Variants in AXIN1 observed in about 807,000 individuals in gnomAD.
The protein encoded by AXIN1 is axin 1.
Under a neutral mutation model 76.4 loss-of-function variants are expected in AXIN1, and 30 were observed. The observed-to-expected ratio is 0.39, with a 90% CI of 0.29 to 0.53. The LOEUF (loss-of-function observed/expected upper bound fraction) is 0.53, where lower values mean the gene tolerates loss of function less well. Ranked by LOEUF, AXIN1 falls within the 20% of genes least tolerant of loss-of-function variation. The pLI, the probability that AXIN1 is intolerant of heterozygous loss-of-function variation, is 0.66. For missense variants in AXIN1, 1,140 were observed against 1,198.8 expected, an observed-to-expected ratio of 0.95 and a Z score of 0.72; for synonymous variants, 545 against 501.4, an observed-to-expected ratio of 1.09 and a Z score of -1.16.
chr16:328,108 A>G (rs2053618936), intron 2 of AXIN1, among the ~76,000 whole-genome samples: 1 of 152,166 alleles, frequency 6.6e-6, no homozygotes, highest in African/African-American at 2.4e-5. Context: ...AAATTAGCCA[A>G]GGGCTGGGCG....
At chr16:302,540 G>A (rs1209565301) in intron 5 of AXIN1, among the ~76,000 whole-genome samples, 1 of 152,198 alleles carries the variant, frequency 6.6e-6, no homozygotes, top group African/African-American at 2.4e-5. Context: ...GCTATGTAAG[G>A]TCTGCCTGCC....
At chr16:340,315 C>G (rs1194984715) in intron 2 of AXIN1, among the ~76,000 whole-genome samples, 2 of 152,234 alleles carry the variant, frequency 1.3e-5, no homozygotes, top group African/African-American at 4.8e-5. Context: ...GCCCTATCCA[C>G]AAGTGCATCA....
intron 8 of AXIN1, chr16:291,861 C>T (rs1337297007): frequency 1.1e-5 from 2 of 174,202 alleles, no homozygotes; most frequent in Non-Finnish European, 2.5e-5. Flanking sequence ...GCCCAGCACC[C>T]AACCTGCCTC....
intron 2 of AXIN1, among the ~76,000 whole-genome samples, chr16:331,760 A>C (rs1360707979): frequency 6.6e-6 from 1 of 152,210 alleles, no homozygotes; most frequent in Admixed American, 6.5e-5. Context: ...GAAGCTATAA[A>C]TTCCAAAGCT....
rs550691805 is a variant in AXIN1, at chr16:302,347, C to T, written c.1254+1957G>A. Among the ~76,000 whole-genome samples, 29 of 152,352 alleles carry T rather than the reference C, an allele frequency of 1.9e-4. No homozygotes were observed. The South Asian group carries it at 5.6e-3, about 29-fold the overall frequency. On this transcript the variant is annotated intron_variant, in intron 5 of 10. Transcript: ENST00000262320. ...GTGCCCTACCCAGATGAGGGTCACC[C>T]TCAGACCAACGGCCAGGGGAGACGA...
intron 2 of AXIN1, 148 bp from the exon 3 acceptor site, chr16:314,831 A>C (rs2141595522): frequency 8.5e-7 from 1 of 1,180,202 alleles, no homozygotes; most frequent in South Asian, 1.4e-5. Context: ...GAAAAGACCA[A>C]CATCTCCACC....
At chr16:298,480 G>A (rs929549581) in intron 5 of AXIN1, among the ~76,000 whole-genome samples, 20 of 152,236 alleles carry the variant, frequency 1.3e-4, no homozygotes, top group African/African-American at 4.8e-4. Context: ...TGTATCGGCT[G>A]TGGGCAGAGC....
intron 2 of AXIN1, among the ~76,000 whole-genome samples, chr16:319,294 T>C (rs894073968): frequency 6.6e-6 from 1 of 152,070 alleles, no homozygotes; most frequent in African/African-American, 2.4e-5. Context: ...ATCACGCCAC[T>C]GTGTTCCAGC....
At chr16:335,189 T>C (rs530567690) in intron 2 of AXIN1, among the ~76,000 whole-genome samples, 1 of 152,182 alleles carries the variant, frequency 6.6e-6, no homozygotes, top group African/African-American at 2.4e-5. Context: ...AACTCCACAC[T>C]GCACCACGAA....
chr16:350,051 A>G (rs1031051863), intron 1 of AXIN1, among the ~76,000 whole-genome samples: 1 of 152,180 alleles, frequency 6.6e-6, no homozygotes, highest in Non-Finnish European at 1.5e-5. Flanking sequence ...CGGCCTCCCA[A>G]AGTGTTGGGA....
chr16:336,826 A>C lies in AXIN1; in HGVS notation c.878+9322T>G, dbSNP rs190633330. Among the ~76,000 whole-genome samples the C allele has an allele frequency of 1.9e-4, 29 of 150,206 alleles. No homozygotes were observed. The East Asian group carries it at 3.9e-3, about 20-fold the overall frequency. On this transcript the variant is annotated intron_variant, in intron 2 of 10. Coordinates refer to ENST00000262320, the MANE Select transcript of AXIN1 (RefSeq NM_003502.4). The stretch of plus-strand genomic sequence containing the variant: ...AGCAAGACTCCGCCTCAAAAAAAAA[A>C]AAAAAAAACAAAACATAAATACAAG...
chr16:341,748 G>A (rs1157019943), intron 2 of AXIN1, among the ~76,000 whole-genome samples: 1 of 152,242 alleles, frequency 6.6e-6, no homozygotes, highest in Non-Finnish European at 1.5e-5. Flanking sequence ...GTCTAGCTCA[G>A]GGACTGTAAA....
intron 5 of AXIN1, among the ~76,000 whole-genome samples, chr16:300,180 G>A (rs2052833608): frequency 2.0e-5 from 3 of 151,964 alleles, no homozygotes; most frequent in Non-Finnish European, 4.4e-5. Flanking sequence ...GACCTCAGGT[G>A]ATCCACCCAC....
In AXIN1 at chr16:314,665, C is replaced by A. The variant is rs765875448; in HGVS notation, c.897G>T (p.Glu299Asp). The A allele has an allele frequency of 6.2e-6, 10 of 1,613,696 alleles. No individual in the cohort carries two copies. The highest frequency in any genetic ancestry group is 8.5e-6 in the Non-Finnish European group (10 of 1,180,050). ...CATTGACATAATAGGGGTTGACTGG[C>A]TCCCGCCAGGATCCATACCTGCAAA... The part of the protein sequence containing the change: ...GREFRYGSWR[E>D]PVNPYYVNAG... The change falls in exon 3 of 11, where the codon GAG becomes GAT. Residue 299 changes from glutamate (E) to aspartate (D), a missense_variant. By Grantham distance (45) the Glu-to-Asp change is conservative. Around this residue, in one of 3 missense-constraint regions of AXIN1, gnomAD observed 708 missense variants for 776.9 expected, o/e 0.91. Transcript: ENST00000262320.
intron 7 of AXIN1, among the ~76,000 whole-genome samples, chr16:294,703 T>A (rs1252409257): frequency 2.2e-5 from 3 of 135,742 alleles, no homozygotes; most frequent in Non-Finnish European, 4.6e-5. Flanking sequence ...TGCAGTGCGT[T>A]GACACTGGCC....
At position 293,834 on chromosome 16, in the gene AXIN1, ACTGGGGC is replaced by A. The variant is rs2052635409; in HGVS notation, c.1956-123_1956-117del. On this transcript the variant is annotated intron_variant, in intron 7 of 10. Coordinates refer to ENST00000262320, the MANE Select transcript of AXIN1 (RefSeq NM_003502.4). This position sits in a 1 kb window ranked among gnomAD's most constrained non-coding sequence, Gnocchi z 4.6. ...CTTGAGGGATAGGATGGGATGGGGC[ACTGGGGC>A]CTGGCCACCAAGCCACATGGACGTC... 9.7e-7 allele frequency: 1 copy of A among 1,028,166 alleles called. No homozygotes were observed. The highest frequency in any genetic ancestry group is 1.6e-5 in the African/African-American group (1 of 63,772). The allele number at this position is 1,028,166 out of a possible 1,614,324, so 63.7% of individuals were successfully genotyped here.
chr16:287,999 G>A lies in AXIN1; in HGVS notation c.*123C>T. On this transcript the variant is annotated 3_prime_UTR_variant, in exon 11 of 11. Transcript: ENST00000262320. The stretch of plus-strand genomic sequence containing the variant: ...TGCCTCTAGACACGGGTAGACCACA[G>A]GGATGGGTGGTACACCCAACACTGT... The A allele has an allele frequency of 2.6e-6, 4 of 1,520,190 alleles. No homozygotes were observed. Among genetic ancestry groups the A allele is most frequent in the South Asian group, 1.1e-5 (1 of 88,868 alleles). The allele number at this position is 1,520,190 out of a possible 1,614,324, so 94.2% of individuals were successfully genotyped here. A position where few individuals can be genotyped will look rare whatever the true frequency, so the allele number is the denominator to read the frequency against.
intron 3 of AXIN1, among the ~76,000 whole-genome samples, chr16:312,289 T>G (rs147904951): frequency 6.6e-6 from 1 of 152,304 alleles, no homozygotes; most frequent in East Asian, 1.9e-4. Flanking sequence ...TACCTCTGAT[T>G]TGCTTTCGAG....
At chr16:302,978 C>A (rs1221862260) in intron 5 of AXIN1, among the ~76,000 whole-genome samples, 2 of 152,164 alleles carry the variant, frequency 1.3e-5, no homozygotes, top group African/African-American at 4.8e-5. Flanking sequence ...CCTCCCACCT[C>A]AGCTTCCTGA....
Sources: allele counts gnomAD v4.1 joint callset (sites outside exome capture counted in the v4.1 genomes callset), GRCh38; gene constraint gnomAD v4.1.1; regional missense constraint gnomAD v4.1.1; non-coding constraint Gnocchi (gnomAD v3.1); transcripts MANE v1.5; gene names NCBI Gene and HGNC (gene_info 2026-07-23, HGNC 2026-07-21).